MAGI2: variants seen among roughly 807,000 people sequenced by gnomAD.
The protein encoded by MAGI2 is membrane-associated guanylate kinase, WW and PDZ domain-containing protein 2.
Under a neutral mutation model 133.3 loss-of-function variants are expected in MAGI2, and 35 were observed. The observed-to-expected ratio is 0.26, with a 90% confidence interval of 0.20 to 0.35. The LOEUF is 0.35. Ranked by LOEUF, MAGI2 falls within the 10% of genes least tolerant of loss-of-function variation. The pLI is 1.00. For missense variants in MAGI2, 1,636 were observed against 1,863.4 expected (o/e 0.88, Z 2.25); for synonymous variants, 729 against 710.6 (o/e 1.03, Z -0.41).
chr7:78,789,054 G>A (rs931941952), intron 2 of MAGI2, among the ~76,000 whole-genome samples: 2 of 152,004 alleles, frequency 1.3e-5, no homozygotes, highest in African/African-American at 4.8e-5. Context: ...CCCTTTGTGG[G>A]TTTCCTTACT....
chr7:78,136,406 C>T (rs1048805320), intron 16 of MAGI2, among the ~76,000 whole-genome samples: 8 of 152,194 alleles, frequency 5.3e-5, no homozygotes, highest in African/African-American at 1.2e-4. Context: ...AGGCTTGAGC[C>T]ACCATGCTCG....
chr7:78,036,162 T>C (rs896485207), intron 21 of MAGI2, among the ~76,000 whole-genome samples: 1 of 152,186 alleles, frequency 6.6e-6, no homozygotes, highest in Non-Finnish European at 1.5e-5. Context: ...GACTTTGTTA[T>C]GTCAGCATCG....
chr7:78,067,286 A>T (rs1813931944), intron 21 of MAGI2, among the ~76,000 whole-genome samples: 1 of 152,202 alleles, frequency 6.6e-6, no homozygotes, highest in Non-Finnish European at 1.5e-5. Flanking sequence ...CTTGGAAGAT[A>T]CACGTGCCAG....
At chr7:78,917,140 T>C (rs1026221355) in intron 2 of MAGI2, among the ~76,000 whole-genome samples, 42 of 152,108 alleles carry the variant, frequency 2.8e-4, no homozygotes, top group African/African-American at 1.0e-3. Flanking sequence ...ATCAATGAAC[T>C]AATACTACTT....
Position 78,345,998 on chromosome 7 carries a change from T to C in MAGI2, c.1149A>G (p.Ala383=). ...RTQFENPVLE[A]KRKLQQHNMP... is the part of the protein sequence containing the mutation. The stretch of plus-strand genomic sequence containing the variant: ...TGTTATGTTGCTGTAGCTTCCTTTT[T>C]GCTTCCAGGACAGGATTTTCAAACT... Residue 383 remains alanine (A), a synonymous_variant, in exon 8 of 22, where the codon GCA becomes GCG. Transcript: ENST00000354212. The C allele has an allele frequency of 6.2e-7, 1 of 1,614,248 alleles. No homozygotes were observed. Among genetic ancestry groups the C allele is most frequent in the Non-Finnish European group, 8.5e-7 (1 of 1,180,042 alleles).
chr7:78,376,574 C>A, intron 6 of MAGI2, among the ~76,000 whole-genome samples: 1 of 151,932 alleles, frequency 6.6e-6, no homozygotes. Context: ...GATGTGATTG[C>A]AGAGAAAATT....
chr7:78,987,287 C>T (rs904370427), intron 2 of MAGI2, among the ~76,000 whole-genome samples: 3 of 151,908 alleles, frequency 2.0e-5, no homozygotes, highest in Admixed American at 6.6e-5. Flanking sequence ...ATGAATACAA[C>T]GTTAATTGCA....
chr7:79,442,541 C>T lies in MAGI2; in HGVS notation c.301+10479G>A, dbSNP rs553212436. On this transcript the variant is annotated intron_variant, in intron 1 of 21. Transcript: ENST00000354212. ...CTGTTGTTCACTAGGGTGACTCCCACGCTAGACTGAAGAAGAGCAAAGCAT... is the reference window on the plus strand; with the variant it reads ...CTGTTGTTCACTAGGGTGACTCCCATGCTAGACTGAAGAAGAGCAAAGCAT... 4.6e-5 allele frequency among the ~76,000 whole-genome samples: 7 copies of T among 151,798 alleles called. No individual in the cohort carries two copies. The South Asian group carries it at 6.2e-4, about 14-fold the overall frequency.
At chr7:78,311,593 A>C (rs1475444638) in intron 9 of MAGI2, among the ~76,000 whole-genome samples, 1 of 152,206 alleles carries the variant, frequency 6.6e-6, no homozygotes, top group Non-Finnish European at 1.5e-5. Context: ...TGAAGCTTTT[A>C]AAATTAGAAT....
chr7:78,172,337 G>A (rs1266420595), intron 14 of MAGI2, among the ~76,000 whole-genome samples: 1 of 152,152 alleles, frequency 6.6e-6, no homozygotes, highest in East Asian at 1.9e-4. Flanking sequence ...GCAGATTTCA[G>A]GCTCTTTCCT....
intron 21 of MAGI2, among the ~76,000 whole-genome samples, chr7:78,039,852 A>T (rs1040789141): frequency 2.0e-5 from 3 of 152,198 alleles, no homozygotes; most frequent in Non-Finnish European, 4.4e-5. Context: ...AAATTGCTTG[A>T]AAAATGTGGG....
chr7:78,205,936 A>C (rs1829685735), intron 10 of MAGI2, among the ~76,000 whole-genome samples: 1 of 152,206 alleles, frequency 6.6e-6, no homozygotes, highest in Admixed American at 6.5e-5. Flanking sequence ...AGGGCACCTC[A>C]TGTGATACAG....
chr7:78,829,946 T>C (rs1470520281), intron 2 of MAGI2, among the ~76,000 whole-genome samples: 2 of 152,036 alleles, frequency 1.3e-5, no homozygotes, highest in Admixed American at 6.5e-5. Flanking sequence ...TTTATTGATA[T>C]TTGGTGTTTG....
chr7:79,348,859 A>T (rs574703700), intron 1 of MAGI2, among the ~76,000 whole-genome samples: 1 of 152,026 alleles, frequency 6.6e-6, no homozygotes, highest in African/African-American at 2.4e-5. Context: ...TGCATTAATC[A>T]CTGTGCTCTC....
chr7:79,445,759 A>G lies in MAGI2; in HGVS notation c.301+7261T>C, dbSNP rs370976401. Among the ~76,000 whole-genome samples the G allele has an allele frequency of 4.7e-4, 72 of 152,322 alleles. No individual in the cohort carries two copies. The East Asian group carries it at 0.01, about 21-fold the overall frequency. ...CAACCATTGTGGAAGTCAGTGTGGC[A>G]ATTCCTCAGGGATCTAGAACTAGAA... On this transcript the variant is annotated intron_variant, in intron 1 of 21. Transcript: ENST00000354212.
intron 16 of MAGI2, among the ~76,000 whole-genome samples, chr7:78,144,233 C>G: frequency 6.6e-6 from 1 of 152,080 alleles, no homozygotes; most frequent in Non-Finnish European, 1.5e-5. Context: ...CTCTCCCATC[C>G]TCTCTAGTTC....
At chr7:78,159,857 G>C (rs1328527757) in intron 16 of MAGI2, 168 bp downstream of exon 16, 3 of 760,450 alleles carry the variant, frequency 3.9e-6, no homozygotes, top group East Asian at 5.8e-5. Context: ...GTCAGTAACT[G>C]TCTGCTAGTC....
chr7:78,468,430 A>G (rs57701118), intron 6 of MAGI2, among the ~76,000 whole-genome samples: 1,611 of 152,204 alleles, frequency 0.011, 25 homozygotes, highest in African/African-American at 0.036. Context: ...CTATGTGTGT[A>G]TATCAAATAT....
chr7:78,519,030 A>C (rs1303551924), intron 4 of MAGI2: 2 of 151,684 alleles, frequency 1.3e-5, no homozygotes, highest in Non-Finnish European at 2.9e-5. Flanking sequence ...GAGCCTCCGC[A>C]CCTGGCTAGG....
Sources: allele counts gnomAD v4.1 joint callset (sites outside exome capture counted in the v4.1 genomes callset), GRCh38; gene constraint gnomAD v4.1.1; transcripts MANE v1.5; gene names NCBI Gene and HGNC (gene_info 2026-07-23, HGNC 2026-07-21).